Variants in ABCA3 observed in about 807,000 individuals in gnomAD.
ABCA3 encodes phospholipid-transporting ATPase ABCA3.
In ABCA3, 88 loss-of-function variants were observed where a neutral mutation model predicts 172.8. That is an observed-to-expected ratio of 0.51 (90% CI 0.43 to 0.61). The LOEUF (loss-of-function observed/expected upper bound fraction) is 0.61, where lower values mean the gene tolerates loss of function less well. ABCA3 is among the 20% of genes least tolerant of loss of function. ABCA3 has a pLI of 0.00. For missense variants in ABCA3, 2,164 were observed against 2,301.0 expected, an observed-to-expected ratio of 0.94 and a Z score of 1.22; for synonymous variants, 1,066 against 983.8, an observed-to-expected ratio of 1.08 and a Z score of -1.56.
At position 2,279,012 on chromosome 16, in the gene ABCA3, G is replaced by A. The variant is rs746982641; in HGVS notation, c.4478C>T (p.Ala1493Val). The A allele has an allele frequency of 6.2e-7, 1 of 1,613,548 alleles. No homozygotes were observed. The highest frequency in any genetic ancestry group is 1.1e-5 in the South Asian group (1 of 91,078). The change falls in exon 29 of 33, where the codon GCC becomes GTC. Residue 1493 changes from alanine (A) to valine (V), a missense_variant. Physicochemically the swap from Ala to Val is moderately conservative, Grantham distance 64. Around this residue, in one of 3 missense-constraint regions of ABCA3, gnomAD observed 795 missense variants for 881.9 expected, o/e 0.90. Transcript: ENST00000301732. This position sits in a 1 kb window ranked among gnomAD's most constrained non-coding sequence, Gnocchi z 4.4. Reference protein sequence around the residue: ...LRGIPERHIGACVENTLRGLL... With the variant: ...LRGIPERHIGVCVENTLRGLL... The stretch of plus-strand genomic sequence containing the variant: ...GCCCCGCAGAGTGTTCTCCACGCAG[G>A]CCCCGATGTGGCGCTCAGGGATGCC...
Position 2,281,530 on chromosome 16 carries a change from C to G in ABCA3, c.4036-21G>C. ...TCTGTCTGATTGACCAGGACAAAGA[C>G]CGCATGCGTGAACCCAGCCGCAGGG... is the stretch of plus-strand genomic sequence containing the variant. On this transcript the variant is annotated intron_variant, in intron 26 of 32. Coordinates refer to ENST00000301732, the MANE Select transcript of ABCA3 (RefSeq NM_001089.3). This position sits in a 1 kb window ranked among gnomAD's most constrained non-coding sequence, Gnocchi z 4.7. 1 of 1,611,492 alleles carries G rather than the reference C, an allele frequency of 6.2e-7. No homozygotes were observed.
At chr16:2,314,964 G>C (rs959572751) in intron 10 of ABCA3, among the ~76,000 whole-genome samples, 7 of 138,352 alleles carry the variant, frequency 5.1e-5, no homozygotes, top group African/African-American at 1.9e-4. Context: ...TGCAACCTCC[G>C]CCTCCTGGGT....
rs71148128 is a variant in ABCA3 at position 2,316,490 on chromosome 16, C to CAAAAAAAAAAAA, written c.1111+781_1111+792dup. ...CAAAACCCCGTCTCTACTAAAAATGCAAAAAAAAAAAAAAAAAAAAAAAAA... is the reference window on the plus strand; with the variant it reads ...CAAAACCCCGTCTCTACTAAAAATGCAAAAAAAAAAAAAAAAAAAAAAAAAAAAAAAAAAAAA... On this transcript the variant is annotated intron_variant, in intron 10 of 32. Coordinates refer to ENST00000301732, the MANE Select transcript of ABCA3 (RefSeq NM_001089.3). Among the ~76,000 whole-genome samples the CAAAAAAAAAAAA allele has an allele frequency of 2.6e-3, 74 of 28,868 alleles. 32 individuals are homozygous for CAAAAAAAAAAAA. The highest frequency in any genetic ancestry group is 4.4e-3 in the South Asian group (4 of 918). 18.9% of individuals were successfully genotyped at this position (28,868 alleles called of 152,430 possible). A position where few individuals can be genotyped will look rare whatever the true frequency, so the allele number is the denominator to read the frequency against.
At chr16:2,299,982 CCT>C (rs2093686376) in intron 13 of ABCA3, 21 bp downstream of exon 13, 1 of 1,611,782 alleles carries the variant, frequency 6.2e-7, no homozygotes, top group African/African-American at 1.3e-5. Context: ...CCCGGCCCTC[CCT>C]GTCCCCACAG....
chr16:2,293,139 C>A (rs1486645471), intron 18 of ABCA3, among the ~76,000 whole-genome samples: 1 of 151,802 alleles, frequency 6.6e-6, no homozygotes, highest in Non-Finnish European at 1.5e-5. Context: ...GCAAGCTCCG[C>A]CTCCCAGGTT....
rs1211109355 is a variant in ABCA3 at position 2,281,759 on chromosome 16, G to A, written c.4036-250C>T. Reference sequence around the variant, plus strand: ...AAAAGAACTGTGCGGGACTCATGGAGAAAAATCATAAATCTGCTGGGGAAT... The same window carrying A: ...AAAAGAACTGTGCGGGACTCATGGAAAAAAATCATAAATCTGCTGGGGAAT... On this transcript the variant is annotated intron_variant, in intron 26 of 32. Transcript: ENST00000301732. This position sits in a 1 kb window ranked among gnomAD's most constrained non-coding sequence, Gnocchi z 4.7. Among the ~76,000 whole-genome samples the A allele has an allele frequency of 6.6e-6, 1 of 151,862 alleles. No homozygotes were observed. Among genetic ancestry groups the A allele is most frequent in the African/African-American group, 2.4e-5 (1 of 41,370 alleles).
Position 2,288,261 on chromosome 16 carries a change from C to G in ABCA3, c.2769G>C (p.Trp923Cys), listed in dbSNP as rs1326254168. The G allele has an allele frequency of 1.3e-6, 2 of 1,589,274 alleles. No homozygotes were observed. Among genetic ancestry groups the G allele is most frequent in the Middle Eastern group, 1.7e-4 (1 of 6,042 alleles). ...LKKAAYSWRE[W>C]KMVAAQVLVP... ...CCAGGACCTGTGCCGCCACCATTTT[C>G]CACTCGCGCCAGCTGTATGCGGCCT... The change falls in exon 21 of 33, where the codon TGG (tryptophan) becomes TGC (cysteine). Residue 923 changes from tryptophan to cysteine, a missense_variant. Physicochemically the swap from Trp to Cys is radical, Grantham distance 215. Transcript: ENST00000301732.
At position 2,286,253 on chromosome 16, in the gene ABCA3, C is replaced by G. The variant is rs1020574127; in HGVS notation, c.3278+441G>C. ...GTGGCCGGCATAGGGGGTAGCCCTG[C>G]CCACACAATGGCATGGCAGGCTCCC... On this transcript the variant is annotated intron_variant, in intron 22 of 32. Transcript: ENST00000301732. This position sits in a 1 kb window ranked among gnomAD's most constrained non-coding sequence, Gnocchi z 5.2. 6.6e-6 allele frequency among the ~76,000 whole-genome samples: 1 copy of G among 152,072 alleles called. No homozygotes were observed. The highest frequency in any genetic ancestry group is 1.5e-5 in the Non-Finnish European group (1 of 67,986).
rs2093686671 is a variant in ABCA3 at position 2,300,124 on chromosome 16, T to C, written c.1492A>G (p.Arg498Gly). The C allele has an allele frequency of 1.2e-6, 2 of 1,613,570 alleles. No homozygotes were observed. The highest frequency in any genetic ancestry group is 1.7e-6 in the Non-Finnish European group (2 of 1,179,922). The change falls in exon 13 of 33, where the codon AGG (arginine) becomes GGG (glycine). Residue 498 changes from arginine (R) to glycine (G), a missense_variant. This residue lies in a region of ABCA3 where 1,343 missense variants were observed against 1,369.6 expected (regional missense o/e 0.98). Transcript: ENST00000301732. Reference sequence around the variant, plus strand: ...TCTTCCTCCTTCCCTGCAACCGCCCTTGGCTTCCCACACCAATAGGAGGGC... The same window carrying C: ...TCTTCCTCCTTCCCTGCAACCGCCCCTGGCTTCCCACACCAATAGGAGGGC... The part of the protein sequence containing the change: ...IMPSYWCGKP[R>G]AVAGKEEEDS...
chr16:2,298,277 C>G, intron 15 of ABCA3, 109 bp downstream of exon 15: 2 of 1,530,788 alleles, frequency 1.3e-6, no homozygotes, highest in Non-Finnish European at 1.8e-6. Flanking sequence ...AGAACCCTGG[C>G]TCCTGCCCTC....
At chr16:2,303,011 C>T (rs1202960922) in intron 12 of ABCA3, among the ~76,000 whole-genome samples, 2 of 151,708 alleles carry the variant, frequency 1.3e-5, no homozygotes, top group African/African-American at 2.4e-5. Flanking sequence ...GCTGGCCAGG[C>T]TGGTCTCAAA....
chr16:2,326,453 C>T lies in ABCA3; in HGVS notation c.14G>A (p.Arg5Lys). MAVL[R>K]QLALLLWKNY... ...CTTCCAGAGGAGGAGCGCCAGCTGC[C>T]TGAGCACAGCCATCGTCTTGCTGAA... Residue 5 changes from arginine (R) to lysine (K), a missense_variant, in exon 4 of 33, where the codon AGG (arginine) becomes AAG (lysine). Arg to Lys is a conservative substitution (Grantham distance 26). Transcript: ENST00000301732. 14 of 1,611,954 alleles carry T rather than the reference C, an allele frequency of 8.7e-6. No homozygotes were observed. Among genetic ancestry groups the T allele is most frequent in the Non-Finnish European group, 1.2e-5 (14 of 1,179,082 alleles).
chr16:2,298,668 G>T, intron 14 of ABCA3, 128 bp from the exon 15 acceptor site: 1 of 1,148,280 alleles, frequency 8.7e-7, no homozygotes, highest in Non-Finnish European at 1.2e-6. Flanking sequence ...GAGAGGGCAC[G>T]GAACCCCACT....
intron 1 of ABCA3, among the ~76,000 whole-genome samples, chr16:2,337,356 GA>G (rs1015244700): frequency 5.5e-5 from 8 of 144,986 alleles, no homozygotes; most frequent in African/African-American, 1.8e-4. Flanking sequence ...CAGTACACAT[GA>G]AAAAAAAAGT....
chr16:2,305,484 A>C (rs1239036380), intron 11 of ABCA3, among the ~76,000 whole-genome samples: 1 of 151,956 alleles, frequency 6.6e-6, no homozygotes, highest in Non-Finnish European at 1.5e-5. Context: ...TTTAGTAGAG[A>C]CGGAGTTTCA....
In ABCA3 at chr16:2,289,639, G is replaced by A; in HGVS notation, c.2514-19C>T. ...CCCGACCCTGTGCCGATACACACAG[G>A]GACCGGTCAGGACCCAGCTCCCCGG... On this transcript the variant is annotated intron_variant, in intron 19 of 32. Transcript: ENST00000301732. 6.5e-7 allele frequency: 1 copy of A among 1,545,332 alleles called. No individual in the cohort carries two copies. The highest frequency in any genetic ancestry group is 8.7e-7 in the Non-Finnish European group (1 of 1,146,234).
Position 2,276,648 on chromosome 16 carries a change from C to T in ABCA3, c.*26G>A. On this transcript the variant is annotated 3_prime_UTR_variant, in exon 33 of 33. Transcript: ENST00000301732. ...GCCCTGCTTGCCCGTCCTGTCCCTGCCTGATGGCGAGACAGCCGCCACCCC... is the reference window on the plus strand; with the variant it reads ...GCCCTGCTTGCCCGTCCTGTCCCTGTCTGATGGCGAGACAGCCGCCACCCC... 3.1e-6 allele frequency: 5 copies of T among 1,611,334 alleles called. No homozygotes were observed. The highest frequency in any genetic ancestry group is 4.2e-6 in the Non-Finnish European group (5 of 1,179,848).
At chr16:2,305,259 G>C (rs1376638215) in intron 11 of ABCA3, among the ~76,000 whole-genome samples, 1 of 152,072 alleles carries the variant, frequency 6.6e-6, no homozygotes, top group African/African-American at 2.4e-5. Context: ...TCAGCCTTCG[G>C]AGTAGCTGGG....
Position 2,299,495 on chromosome 16 carries a change from C to G in ABCA3, c.1649G>C (p.Arg550Thr). ...CTCGTACAGGTTGAGGTTCAGGTCT[C>G]TGACGGCCGCCCTGTCCTTATTTCC... ...RVGNKDRAAV[R>T]DLNLNLYEGQ... Residue 550 changes from arginine (R) to threonine (T), a missense_variant, in exon 14 of 33, where the codon AGA (arginine) becomes ACA (threonine). Transcript: ENST00000301732. 6.2e-7 allele frequency: 1 copy of G among 1,613,820 alleles called. No homozygotes were observed. The highest frequency in any genetic ancestry group is 8.5e-7 in the Non-Finnish European group (1 of 1,179,982).
Sources: gnomAD v4.1 joint callset for allele counts (sites outside exome capture counted in the v4.1 genomes callset) on GRCh38, gnomAD v4.1.1 for gene constraint, gnomAD v4.1.1 regional missense constraint, Gnocchi (gnomAD v3.1) non-coding constraint, MANE v1.5 for transcripts, NCBI Gene and HGNC (gene_info 2026-07-23, HGNC 2026-07-21) for gene names.